The following ZNG1E variants were observed in gnomAD, a reference collection of about 807,000 sequenced individuals.
ZNG1E encodes the protein zinc-regulated GTPase metalloprotein activator 1E.
the ZNG1E span, among the ~76,000 whole-genome samples, chr9:65,710,028 T>A: frequency 6.8e-6 from 1 of 147,048 alleles, no homozygotes; most frequent in Admixed American, 6.8e-5. Flanking sequence ...GTTTCCTGAC[T>A]TTTTAATGAT....
At chr9:65,693,575 T>C in the ZNG1E span, 1 of 851,376 alleles carries the variant, frequency 1.2e-6, no homozygotes, top group Non-Finnish European at 1.6e-6. Context: ...TTTTTTTTTT[T>C]GAGACAGAGT....
chr9:65,663,159 T>G, the ZNG1E span, among the ~76,000 whole-genome samples: 151 of 152,324 alleles, frequency 9.9e-4, no homozygotes, highest in African/African-American at 3.4e-3. Flanking sequence ...CTCCAATGTT[T>G]ACTGAGGAAG....
chr9:65,710,581 A>T, the ZNG1E span, among the ~76,000 whole-genome samples: 1,110 of 151,628 alleles, frequency 7.3e-3, 6 homozygotes, highest in African/African-American at 0.026. Flanking sequence ...ACGGCTAGCC[A>T]GTTTTCCCAG....
At chr9:65,664,005 A>T in the ZNG1E span, among the ~76,000 whole-genome samples, 4 of 152,240 alleles carry the variant, frequency 2.6e-5, no homozygotes, top group African/African-American at 7.2e-5. Flanking sequence ...AGCACATATT[A>T]ATATATGCCC....
chr9:65,721,001 A>C, the ZNG1E span, among the ~76,000 whole-genome samples: 822 of 141,978 alleles, frequency 5.8e-3, 1 homozygote, highest in South Asian at 0.018. Flanking sequence ...CCAGTTCTTT[A>C]TGATAGTCGG....
the ZNG1E span, among the ~76,000 whole-genome samples, chr9:65,654,128 A>G: frequency 2.0e-5 from 3 of 151,630 alleles, no homozygotes; most frequent in African/African-American, 7.3e-5. Flanking sequence ...CGGTTAGCCC[A>G]TGCTGCTATT....
chr9:65,709,637 A>G, the ZNG1E span, among the ~76,000 whole-genome samples: 3 of 137,372 alleles, frequency 2.2e-5, no homozygotes, highest in Non-Finnish European at 4.6e-5. Context: ...TTTACTGAGA[A>G]TGATGATTTC....
the ZNG1E span, among the ~76,000 whole-genome samples, chr9:65,672,527 G>T: frequency 1.3e-5 from 2 of 151,574 alleles, no homozygotes; most frequent in Non-Finnish European, 2.9e-5. Context: ...GGATGGATCA[G>T]GAGGTCAGGA....
chr9:65,662,402 A>T, the ZNG1E span, among the ~76,000 whole-genome samples: 4 of 152,372 alleles, frequency 2.6e-5, no homozygotes, highest in South Asian at 8.3e-4. Context: ...AAATGTGAAT[A>T]AGGTCTCTGG....
chr9:65,665,331 G>T, the ZNG1E span, among the ~76,000 whole-genome samples: 1 of 152,258 alleles, frequency 6.6e-6, no homozygotes, highest in Non-Finnish European at 1.5e-5. Flanking sequence ...CTGCATCCCA[G>T]CCATGAATGA....
At chr9:65,678,095 GTT>G in the ZNG1E span, among the ~76,000 whole-genome samples, 2,250 of 135,266 alleles carry the variant, frequency 0.017, 1 homozygote, top group South Asian at 0.025. Flanking sequence ...GTCTTAAAGT[GTT>G]TTTTTTTTTT....
the ZNG1E span, chr9:65,708,579 T>C: frequency 1.2e-5 from 4 of 337,062 alleles, no homozygotes; most frequent in Admixed American, 9.5e-5. Context: ...TTGTCATTTC[T>C]TTTGTTTCAT....
At chr9:65,661,490 C>A in the ZNG1E span, among the ~76,000 whole-genome samples, 1 of 152,208 alleles carries the variant, frequency 6.6e-6, no homozygotes, top group Non-Finnish European at 1.5e-5. Context: ...TCTAAGGCAA[C>A]TGGATAATTT....
the ZNG1E span, among the ~76,000 whole-genome samples, chr9:65,660,611 A>G: frequency 1.3e-5 from 2 of 151,938 alleles, no homozygotes; most frequent in African/African-American, 2.4e-5. Flanking sequence ...GGCTAAATAA[A>G]CAAACTCAAG....
the ZNG1E span, among the ~76,000 whole-genome samples, chr9:65,665,875 T>TG: frequency 5.5e-5 from 8 of 146,662 alleles, no homozygotes; most frequent in Non-Finnish European, 1.1e-4. Flanking sequence ...CAGACTTTCA[T>TG]GGGGCCTGTA....
the ZNG1E span, among the ~76,000 whole-genome samples, chr9:65,706,222 C>T: frequency 9.1e-6 from 1 of 109,422 alleles, no homozygotes; most frequent in African/African-American, 4.0e-5. Context: ...CCACCCCCAC[C>T]TTGGAGAGCC....
At chr9:65,707,269 A>G in the ZNG1E span, 1 of 129,808 alleles carries the variant, frequency 7.7e-6, no homozygotes, top group Admixed American at 8.5e-5. Flanking sequence ...TTGGCCTCCC[A>G]AAGTGGAGCC....
chr9:65,708,471 T>G, the ZNG1E span: 2 of 250,648 alleles, frequency 8.0e-6, no homozygotes, highest in Non-Finnish European at 1.5e-5. Flanking sequence ...GTTATTTGAC[T>G]CCTCATTTTT....
the ZNG1E span, among the ~76,000 whole-genome samples, chr9:65,681,397 C>G: frequency 1.3e-5 from 2 of 152,250 alleles, no homozygotes; most frequent in South Asian, 4.1e-4. Context: ...TAAATAAAAG[C>G]TAAAATAATG....
Sources: gnomAD v4.1 joint callset for allele counts (sites outside exome capture counted in the v4.1 genomes callset) on GRCh38, gnomAD v4.1.1 for gene constraint, MANE v1.5 for transcripts, NCBI Gene and HGNC (gene_info 2026-07-23, HGNC 2026-07-21) for gene names.